The following CNTN1 variants were observed in gnomAD, a reference collection of about 807,000 sequenced individuals.
CNTN1 encodes the protein contactin 1.
A neutral mutation model predicts 126.4 loss-of-function variants in CNTN1; 38 were observed. The observed-to-expected ratio is 0.30, with a 90% CI of 0.23 to 0.39. The LOEUF (loss-of-function observed/expected upper bound fraction) is 0.39, where lower values mean the gene tolerates loss of function less well. Among genes scored for constraint, CNTN1 ranks in the 10% least tolerant of loss-of-function variants. The probability of loss-of-function intolerance (pLI) is 1.00; values close to 1 mark genes in which losing one functional copy is unlikely to be tolerated. For synonymous variants in CNTN1, 413 were observed against 422.6 expected (o/e 0.98, Z 0.28); for missense variants, 1,009 against 1,248.4 (o/e 0.81, Z 2.89).
chr12:40,925,624 C>CGTGTATATATATATAT (rs1565962245), intron 6 of CNTN1, among the ~76,000 whole-genome samples: 22 of 112,724 alleles, frequency 2.0e-4, no homozygotes, highest in African/African-American at 5.9e-4. Context: ...TATATATATA[C>CGTGTATATATATATAT]ACATATATAT....
intron 1 of CNTN1, among the ~76,000 whole-genome samples, chr12:40,697,437 C>G (rs1263712242): frequency 1.3e-5 from 2 of 152,058 alleles, no homozygotes; most frequent in Admixed American, 1.3e-4. Flanking sequence ...TTGGAGTGTT[C>G]ATATTTTCTT....
At chr12:40,980,674 C>T (rs1411231373) in intron 15 of CNTN1, among the ~76,000 whole-genome samples, 1 of 152,116 alleles carries the variant, frequency 6.6e-6, no homozygotes, top group Non-Finnish European at 1.5e-5. Flanking sequence ...ATAACAATGT[C>T]ATTTTTAAAT....
In CNTN1 at chr12:41,071,421, A is replaced by T. The variant is rs1399751770; in HGVS notation, c.*1386A>T. On this transcript the variant is annotated 3_prime_UTR_variant, in exon 24 of 24. Transcript: ENST00000551295. The stretch of plus-strand genomic sequence containing the variant: ...CAGTGTTGGATGCTTCAAGAGGTAT[A>T]ATCCTATTTTATTAGCACAAACTTG... The T allele has an allele frequency of 6.6e-6, 1 of 152,196 alleles. No homozygotes were observed. 9.4% of individuals were successfully genotyped at this position (152,196 alleles called of 1,614,324 possible). A position where few individuals can be genotyped will look rare whatever the true frequency, so the allele number is the denominator to read the frequency against.
intron 15 of CNTN1, chr12:40,978,804 G>A (rs544009280): frequency 2.6e-5 from 4 of 152,240 alleles, no homozygotes; most frequent in African/African-American, 9.6e-5. Context: ...AATGGTTAAT[G>A]ACTAACCTAT....
At chr12:40,761,113 T>C (rs928732948) in intron 1 of CNTN1, among the ~76,000 whole-genome samples, 1 of 152,096 alleles carries the variant, frequency 6.6e-6, no homozygotes, top group Non-Finnish European at 1.5e-5. Context: ...TATTTGTAAA[T>C]CAACATGATA....
At chr12:40,793,902 G>C (rs1940312800) in intron 1 of CNTN1, among the ~76,000 whole-genome samples, 6 of 151,808 alleles carry the variant, frequency 4.0e-5, no homozygotes. Flanking sequence ...AGTACTATTA[G>C]ACCGCAATTA....
At chr12:40,715,019 G>T (rs1001412926) in intron 1 of CNTN1, among the ~76,000 whole-genome samples, 44 of 152,220 alleles carry the variant, frequency 2.9e-4, no homozygotes, top group African/African-American at 1.0e-3. Flanking sequence ...ATTAAAAAAT[G>T]GATGTAGAAA....
intron 6 of CNTN1, 135 bp downstream of exon 6, chr12:40,924,787 T>A: frequency 1.6e-6 from 1 of 634,384 alleles, no homozygotes; most frequent in South Asian, 1.6e-5. Flanking sequence ...TTTGCATACC[T>A]TGTAATGTGT....
chr12:40,885,759 G>A (rs944957814), intron 1 of CNTN1, among the ~76,000 whole-genome samples: 5 of 151,990 alleles, frequency 3.3e-5, no homozygotes, highest in Admixed American at 6.6e-5. Flanking sequence ...TTCAAGTGTA[G>A]AGAAATCCCA....
intron 1 of CNTN1, among the ~76,000 whole-genome samples, chr12:40,741,017 C>A (rs574762347): frequency 1.3e-5 from 2 of 152,042 alleles, no homozygotes; most frequent in Non-Finnish European, 2.9e-5. Context: ...CTCCTATACA[C>A]CTGGCCATTT....
intron 23 of CNTN1, among the ~76,000 whole-genome samples, chr12:41,036,723 C>A (rs939774351): frequency 9.2e-5 from 14 of 151,992 alleles, no homozygotes; most frequent in African/African-American, 3.4e-4. Context: ...ATTATGATAA[C>A]CTCATAATGG....
intron 1 of CNTN1, among the ~76,000 whole-genome samples, chr12:40,699,758 T>G (rs899548248): frequency 1.4e-5 from 2 of 146,286 alleles, no homozygotes; most frequent in Non-Finnish European, 3.0e-5. Flanking sequence ...CATTTACAGA[T>G]AAAAAAAAAA....
chr12:40,894,855 G>T (rs757801673), intron 1 of CNTN1, among the ~76,000 whole-genome samples: 1 of 152,020 alleles, frequency 6.6e-6, no homozygotes, highest in Non-Finnish European at 1.5e-5. Flanking sequence ...TAGAGAATTT[G>T]GTCCATATAA....
At chr12:40,864,473 G>T (rs577586441) in intron 1 of CNTN1, among the ~76,000 whole-genome samples, 1 of 151,968 alleles carries the variant, frequency 6.6e-6, no homozygotes, top group Non-Finnish European at 1.5e-5. Context: ...CTCTATAAGT[G>T]TTGGCTTCAT....
intron 16 of CNTN1, among the ~76,000 whole-genome samples, chr12:40,987,421 T>A (rs1416875683): frequency 6.6e-6 from 1 of 152,220 alleles, no homozygotes; most frequent in African/African-American, 2.4e-5. Flanking sequence ...TTCCTGGAGT[T>A]GTACAAGATG....
At chr12:41,055,983 C>T (rs1949793537) in intron 23 of CNTN1, among the ~76,000 whole-genome samples, 2 of 152,076 alleles carry the variant, frequency 1.3e-5, no homozygotes, top group Admixed American at 1.3e-4. Flanking sequence ...TCAGAAGAGC[C>T]CTGATTCCTC....
At chr12:40,869,681 T>G (rs2136665873) in intron 1 of CNTN1, among the ~76,000 whole-genome samples, 1 of 152,322 alleles carries the variant, frequency 6.6e-6, no homozygotes, top group African/African-American at 2.4e-5. Context: ...CTTGTTATTA[T>G]GCTAAACCTA....
Position 40,989,273 on chromosome 12 carries a change from T to C in CNTN1, c.1964-3847T>C, listed in dbSNP as rs183030642. 1.6e-3 allele frequency among the ~76,000 whole-genome samples: 250 copies of C among 152,276 alleles called. 3 individuals are homozygous for C. Among genetic ancestry groups the C allele is most frequent in the African/African-American group, 5.2e-3 (216 of 41,564 alleles). ...GAATAGGAAAGAAGATTGCATTAGG[T>C]ACAAGTCCATTTATGAAGACATTTA... On this transcript the variant is annotated intron_variant, in intron 16 of 23. Coordinates refer to ENST00000551295, the MANE Select transcript of CNTN1 (RefSeq NM_001843.4).
At chr12:40,949,283 C>CTT (rs200841459) in intron 14 of CNTN1, among the ~76,000 whole-genome samples, 1 of 147,606 alleles carries the variant, frequency 6.8e-6, no homozygotes, top group Non-Finnish European at 1.5e-5. Flanking sequence ...AGAAAGGTTT[C>CTT]TTTTTTTATA....
Sources: allele counts gnomAD v4.1 joint callset (sites outside exome capture counted in the v4.1 genomes callset), GRCh38; gene constraint gnomAD v4.1.1; transcripts MANE v1.5; gene names NCBI Gene and HGNC (gene_info 2026-07-23, HGNC 2026-07-21).